The following CHD5 variants were observed in gnomAD, a reference collection of about 807,000 sequenced individuals.
CHD5 encodes the protein chromodomain helicase DNA binding protein 5, also known as ATP-dependent chromatin remodeler CHD5.
Under a neutral mutation model 230.3 loss-of-function variants are expected in CHD5, and 69 were observed. The ratio of observed to expected loss-of-function variants is 0.30; its 90% CI spans 0.25 to 0.37. CHD5 has a LOEUF of 0.37. Ranked by LOEUF, CHD5 falls within the 10% of genes least tolerant of loss-of-function variation. CHD5 has a pLI of 1.00. For missense variants in CHD5, 1,827 were observed against 2,622.8 expected (o/e 0.70, Z 6.63); for synonymous variants, 1,064 against 1,065.9 (o/e 1.00, Z 0.03).
chr1:6,138,377 CAAA>C (rs1189637514), intron 15 of CHD5, among the ~76,000 whole-genome samples: 2 of 128,696 alleles, frequency 1.6e-5, no homozygotes. Flanking sequence ...TCTCTGTCTC[CAAA>C]AAAAAAAAAG....
At chr1:6,147,038 G>C (rs12066146) in intron 9 of CHD5, among the ~76,000 whole-genome samples, 167 bp from the exon 10 acceptor site, 6,812 of 152,278 alleles carry the variant, frequency 0.045, 505 homozygotes, top group African/African-American at 0.16. Context: ...CCCAGGAGCC[G>C]CATGGGTCAT....
Position 6,125,197 on chromosome 1 carries a change from G to T in CHD5, c.4297C>A (p.Leu1433Met). Residue 1433 changes from leucine to methionine, a missense_variant, in exon 29 of 42, where the codon CTG becomes ATG. This residue lies in a region of CHD5 where 108 missense variants were observed against 152.4 expected (regional missense o/e 0.71). Transcript: ENST00000262450. The surrounding 1 kb of genome is among the most constrained non-coding windows in gnomAD (Gnocchi z 6.7). Reference sequence around the variant, plus strand: ...ATGCCCCAGCGCATGATGGCGTTCAGAAAGGCCTTCCGCTGTCGGGCATTG... The same window carrying T: ...ATGCCCCAGCGCATGATGGCGTTCATAAAGGCCTTCCGCTGTCGGGCATTG... ...GFNARQRKAF[L>M]NAIMRWGMPP... 1 of 1,607,356 alleles carries T rather than the reference G, an allele frequency of 6.2e-7. No individual in the cohort carries two copies.
rs1666640617 is a variant in CHD5 at position 6,130,672 on chromosome 1, C to G, written c.3263-344G>C. Reference sequence around the variant, plus strand: ...CTAGAGAGCTCAGAGTCCTTCATGTCCCCGCAGCTTCCCACCCCTGGCTTC... The same window carrying G: ...CTAGAGAGCTCAGAGTCCTTCATGTGCCCGCAGCTTCCCACCCCTGGCTTC... On this transcript the variant is annotated intron_variant, in intron 21 of 41. Coordinates refer to ENST00000262450, the MANE Select transcript of CHD5 (RefSeq NM_015557.3). The surrounding 1 kb of genome is among the most constrained non-coding windows in gnomAD (Gnocchi z 4.9). Among the ~76,000 whole-genome samples, 1 of 152,196 alleles carries G rather than the reference C, an allele frequency of 6.6e-6. No individual in the cohort carries two copies. Among genetic ancestry groups the G allele is most frequent in the African/African-American group, 2.4e-5 (1 of 41,448 alleles).
intron 2 of CHD5, among the ~76,000 whole-genome samples, chr1:6,165,679 A>C (rs12039290): frequency 0.31 from 46,342 of 149,020 alleles, 9,974 homozygotes; most frequent in East Asian, 0.67. Context: ...CATCTACCCC[A>C]TGCCCAGCAC....
rs1557547580 is a variant in CHD5, at chr1:6,134,853, G to A, written c.2877C>T (p.Tyr959=). Residue 959 remains tyrosine (Y), a synonymous_variant, in exon 19 of 42, where the codon TAC becomes TAT. Transcript: ENST00000262450. The surrounding 1 kb of genome is among the most constrained non-coding windows in gnomAD (Gnocchi z 6.3). ...RVELSQMQKK[Y]YKFILTRNFE... Reference sequence around the variant, plus strand: ...AGTTCCGTGTGAGGATGAACTTGTAGTACTTCCTGCAGCAGGGCACGAGGA... The same window carrying A: ...AGTTCCGTGTGAGGATGAACTTGTAATACTTCCTGCAGCAGGGCACGAGGA... 1 of 1,614,116 alleles carries A rather than the reference G, an allele frequency of 6.2e-7. No homozygotes were observed.
rs757615887 is a variant in CHD5 at position 6,130,361 on chromosome 1, TG to T, written c.3263-34del. ...AGAGAGGCCAGCAGATGGGAGTGTT[TG>T]GGGGGGTACACCTTGGGTGGGCAGA... On this transcript the variant is annotated intron_variant, in intron 21 of 41. Transcript: ENST00000262450. The surrounding 1 kb of genome is among the most constrained non-coding windows in gnomAD (Gnocchi z 4.9). 27 of 1,598,382 alleles carry T rather than the reference TG, an allele frequency of 1.7e-5. No homozygotes were observed. The highest frequency in any genetic ancestry group is 5.4e-5 in the African/African-American group (4 of 73,660).
Position 6,122,522 on chromosome 1 carries a change from C to T in CHD5, c.4700-949G>A, listed in dbSNP as rs541729002. On this transcript the variant is annotated intron_variant, in intron 31 of 41. Transcript: ENST00000262450. The stretch of plus-strand genomic sequence containing the variant: ...GAAGACGTGGAGAACCTGGGACTCC[C>T]GCACAATACTAGCAGGAATGTAAAA... Among the ~76,000 whole-genome samples, 4 of 152,272 alleles carry T rather than the reference C, an allele frequency of 2.6e-5. No homozygotes were observed. The East Asian group carries it at 5.8e-4, about 22-fold the overall frequency.
chr1:6,165,220 C>T (rs573226041), intron 2 of CHD5, among the ~76,000 whole-genome samples: 3 of 152,294 alleles, frequency 2.0e-5, no homozygotes, highest in South Asian at 2.1e-4. Flanking sequence ...CGCCCCTGTC[C>T]AGGCGCTGCC....
Position 6,149,007 on chromosome 1 carries a change from C to T in CHD5, c.1230G>A (p.Glu410=). The change falls in exon 9 of 42, where the codon GAG becomes GAA. Residue 410 remains glutamate, a synonymous_variant. Transcript: ENST00000262450. ...DDEEEEGGCE[E]EEDDHMEFCR... The stretch of plus-strand genomic sequence containing the variant: ...AGAACTCCATGTGGTCGTCCTCCTC[C>T]TCCTCGCAGCCGCCCTCCTCCTCTT... The T allele has an allele frequency of 6.2e-7, 1 of 1,606,528 alleles. No individual in the cohort carries two copies. Among genetic ancestry groups the T allele is most frequent in the Non-Finnish European group, 8.5e-7 (1 of 1,176,874 alleles).
chr1:6,135,461 G>A lies in CHD5; in HGVS notation c.2697-58C>T, dbSNP rs79043205. The A allele has an allele frequency of 1.3e-3, 2,002 of 1,504,694 alleles. 26 individuals are homozygous for A. In the African/African-American group the frequency reaches 0.024, roughly 18 times the overall value. 93.2% of individuals were successfully genotyped at this position (1,504,694 alleles called of 1,614,324 possible). A position where few individuals can be genotyped will look rare whatever the true frequency, so the allele number is the denominator to read the frequency against. ...CAGAGGACCGGGGCAGGGGAGGCAG[G>A]GTGCAGAGCGCCTAGCCCATGTAGG... On this transcript the variant is annotated intron_variant, in intron 17 of 41. Coordinates refer to ENST00000262450, the MANE Select transcript of CHD5 (RefSeq NM_015557.3).
In CHD5 at chr1:6,126,817, C is replaced by T; in HGVS notation, c.3904-71G>A. The T allele has an allele frequency of 9.7e-6, 14 of 1,448,142 alleles. No homozygotes were observed. The highest frequency in any genetic ancestry group is 1.3e-5 in the Non-Finnish European group (14 of 1,050,080). 89.7% of individuals were successfully genotyped at this position (1,448,142 alleles called of 1,614,324 possible). The stretch of plus-strand genomic sequence containing the variant: ...CCTCCCGGAAGCCTCAGGCTGCCTC[C>T]ACCTGACCTGCCCTTTGCCCCCTCA... On this transcript the variant is annotated intron_variant, in intron 25 of 41. Transcript: ENST00000262450. This position sits in a 1 kb window ranked among gnomAD's most constrained non-coding sequence, Gnocchi z 5.7.
chr1:6,110,564 G>C, intron 36 of CHD5, 38 bp from the exon 37 acceptor site: 3 of 1,555,708 alleles, frequency 1.9e-6, no homozygotes, highest in Non-Finnish European at 2.6e-6. Context: ...CTGGCCGTTA[G>C]AAGTGGTGGG....
chr1:6,126,074 C>T lies in CHD5; in HGVS notation c.4079-216G>A, dbSNP rs550033168. Among the ~76,000 whole-genome samples, 1 of 152,332 alleles carries T rather than the reference C, an allele frequency of 6.6e-6. No homozygotes were observed. The highest frequency in any genetic ancestry group is 1.9e-4 in the East Asian group (1 of 5,182). On this transcript the variant is annotated intron_variant, in intron 26 of 41. Transcript: ENST00000262450. The surrounding 1 kb of genome is among the most constrained non-coding windows in gnomAD (Gnocchi z 5.7). ...CATGTGTACCCACACATTACACATA[C>T]TGTGTGCAAGGGACGTGCCCAAGGC...
At chr1:6,141,037 A>C (rs1322286032) in intron 15 of CHD5, among the ~76,000 whole-genome samples, 14 of 150,222 alleles carry the variant, frequency 9.3e-5, no homozygotes, top group Admixed American at 9.3e-4. Flanking sequence ...GAATCCCAAC[A>C]CTTTGGGAGG....
Position 6,124,656 on chromosome 1 carries a change from TAGGCTCTGGGGTGGGGGGGGGGGACTG to T in CHD5, c.4395-22_4399del. On this transcript the variant is annotated splice_acceptor_variant and splice_polypyrimidine_tract_variant and coding_sequence_variant and intron_variant, in exon 30 of 42. Transcript: ENST00000262450. LOFTEE classifies it high-confidence loss of function. ...CAGGTGCCGCATGAAGAGGGACACA[TAGGCTCTGGGGTGGGGGGGGGGGACTG>T]GGGCTCAGGGAGTGGGGGGCCGGCA... 2 of 326,772 alleles carry T rather than the reference TAGGCTCTGGGGTGGGGGGGGGGGACTG, an allele frequency of 6.1e-6. No homozygotes were observed. The highest frequency in any genetic ancestry group is 1.1e-5 in the Non-Finnish European group (2 of 188,042). 20.2% of individuals were successfully genotyped at this position (326,772 alleles called of 1,614,324 possible).
intron 29 of CHD5, 146 bp downstream of exon 29, chr1:6,124,954 C>T: frequency 1.1e-6 from 1 of 877,266 alleles, no homozygotes; most frequent in Non-Finnish European, 1.7e-6. Context: ...AGGACTCTAG[C>T]CACCCAAAGT....
At chr1:6,163,889 G>A (rs995540183) in intron 2 of CHD5, among the ~76,000 whole-genome samples, 1 of 152,206 alleles carries the variant, frequency 6.6e-6, no homozygotes, top group African/African-American at 2.4e-5. Context: ...AGCAGCCTTA[G>A]GCGTGACTAC....
Position 6,105,554 on chromosome 1 carries a change from T to G in CHD5, c.*47-127A>C. On this transcript the variant is annotated intron_variant, in intron 41 of 41. Transcript: ENST00000262450. The surrounding 1 kb of genome is among the most constrained non-coding windows in gnomAD (Gnocchi z 4.8). ...CTATGATCGGGGTGCCCCCCAGCCA[T>G]GACCTCCCAGCCACAGGCTGCCGGG... The G allele has an allele frequency of 2.9e-6, 1 of 345,648 alleles. No individual in the cohort carries two copies. The highest frequency in any genetic ancestry group is 5.8e-6 in the Non-Finnish European group (1 of 171,562). The allele number at this position is 345,648 out of a possible 1,614,324, so 21.4% of individuals were successfully genotyped here. A position where few individuals can be genotyped will look rare whatever the true frequency, so the allele number is the denominator to read the frequency against.
chr1:6,178,769 C>G (rs952519063), intron 1 of CHD5, among the ~76,000 whole-genome samples: 3 of 152,126 alleles, frequency 2.0e-5, no homozygotes, highest in Non-Finnish European at 4.4e-5. Flanking sequence ...CAGAAGGGGG[C>G]AGGGGGTGTG....
Sources: gnomAD v4.1 joint callset for allele counts (sites outside exome capture counted in the v4.1 genomes callset) on GRCh38, gnomAD v4.1.1 for gene constraint, gnomAD v4.1.1 regional missense constraint, Gnocchi (gnomAD v3.1) non-coding constraint, MANE v1.5 for transcripts, NCBI Gene and HGNC (gene_info 2026-07-23, HGNC 2026-07-21) for gene names.